Variants in AUTS2 observed in about 807,000 individuals in gnomAD.
The protein encoded by AUTS2 is activator of transcription and developmental regulator AUTS2.
In AUTS2, 17 loss-of-function variants were observed where a neutral mutation model predicts 112.4. The observed-to-expected ratio is 0.15, with a 90% CI of 0.10 to 0.23. The LOEUF (loss-of-function observed/expected upper bound fraction) is 0.23. AUTS2 is among the 10% of genes least tolerant of loss of function. AUTS2 has a pLI of 1.00. For missense variants in AUTS2, 1,510 were observed against 1,701.6 expected (o/e 0.89, Z 1.98); for synonymous variants, 751 against 702.7 (o/e 1.07, Z -1.09).
intron 5 of AUTS2, among the ~76,000 whole-genome samples, chr7:70,563,506 C>T (rs770689586): frequency 1.3e-4 from 20 of 152,140 alleles, no homozygotes; most frequent in Non-Finnish European, 1.9e-4. Context: ...TCTGTCTTAA[C>T]GGATTCTGTT....
intron 5 of AUTS2, among the ~76,000 whole-genome samples, chr7:70,540,953 G>C (rs903689411): frequency 1.3e-5 from 2 of 152,098 alleles, no homozygotes; most frequent in Non-Finnish European, 2.9e-5. Context: ...AAACAGTTCT[G>C]AGCAGGCACC....
At chr7:70,716,871 G>A (rs1179009623) in intron 6 of AUTS2, among the ~76,000 whole-genome samples, 4 of 151,642 alleles carry the variant, frequency 2.6e-5, no homozygotes, top group African/African-American at 9.7e-5. Flanking sequence ...ATACTAAGAC[G>A]TAACCTCCCA....
chr7:69,791,678 G>C (rs973164003), intron 1 of AUTS2, among the ~76,000 whole-genome samples: 1 of 152,118 alleles, frequency 6.6e-6, no homozygotes, highest in African/African-American at 2.4e-5. Context: ...GAAATGTTTG[G>C]GTCTTTTCAT....
chr7:69,765,674 T>A (rs1161028491), intron 1 of AUTS2, among the ~76,000 whole-genome samples: 1 of 152,172 alleles, frequency 6.6e-6, no homozygotes, highest in East Asian at 1.9e-4. Flanking sequence ...GCACGGTGGC[T>A]CATGCCTGTA....
At chr7:70,597,148 C>G (rs1803249063) in intron 5 of AUTS2, among the ~76,000 whole-genome samples, 1 of 152,136 alleles carries the variant, frequency 6.6e-6, no homozygotes, top group Non-Finnish European at 1.5e-5. Context: ...GTGCCTTGCT[C>G]AAGCAATGCA....
intron 4 of AUTS2, among the ~76,000 whole-genome samples, chr7:70,356,446 A>G (rs1792012720): frequency 1.3e-5 from 2 of 152,332 alleles, no homozygotes; most frequent in East Asian, 1.9e-4. Context: ...GCAAAACTAG[A>G]TGGAACCTAA....
intron 1 of AUTS2, among the ~76,000 whole-genome samples, chr7:69,759,775 C>A: frequency 4.0e-5 from 1 of 24,894 alleles, no homozygotes; most frequent in South Asian, 4.3e-3. Context: ...TCCCCGCCCC[C>A]CCCCCCCCCC....
chr7:70,701,972 T>G (rs6963200), intron 6 of AUTS2, among the ~76,000 whole-genome samples: 16,066 of 152,190 alleles, frequency 0.11, 1,286 homozygotes, highest in East Asian at 0.42. Context: ...CCCCAAATTC[T>G]GGGGTATTTA....
chr7:69,774,262 C>T (rs1239932820), intron 1 of AUTS2, among the ~76,000 whole-genome samples: 4 of 152,014 alleles, frequency 2.6e-5, no homozygotes, highest in East Asian at 1.9e-4. Flanking sequence ...ATTTAGCTGG[C>T]GGTGGTATGT....
Position 70,771,542 on chromosome 7 carries a change from G to T in AUTS2, c.1735-7G>T. ...TCTTTTTTCCCCCTCTCCGTCTTTG[G>T]CCACAGCTCTTCCATTCCTATCCTC... On this transcript the variant is annotated splice_polypyrimidine_tract_variant and splice_region_variant and intron_variant, in intron 10 of 18. Coordinates refer to ENST00000342771, the MANE Select transcript of AUTS2 (RefSeq NM_015570.4). The T allele has an allele frequency of 6.2e-7, 1 of 1,603,968 alleles. No homozygotes were observed. The highest frequency in any genetic ancestry group is 8.5e-7 in the Non-Finnish European group (1 of 1,173,436).
At chr7:70,551,955 T>C (rs184717473) in intron 5 of AUTS2, among the ~76,000 whole-genome samples, 10 of 152,380 alleles carry the variant, frequency 6.6e-5, no homozygotes, top group Admixed American at 4.6e-4. Flanking sequence ...AATTTATTTG[T>C]GAGAAAACCT....
intron 1 of AUTS2, among the ~76,000 whole-genome samples, chr7:69,696,379 ATAGACTCACTGGGG>A (rs1413797883): frequency 2.0e-5 from 3 of 152,154 alleles, no homozygotes; most frequent in Non-Finnish European, 4.4e-5. Flanking sequence ...TCCCTCCAAA[ATAGACTCACTGGGG>A]TATAGAATTT....
chr7:70,146,073 T>A (rs896203385), intron 4 of AUTS2, among the ~76,000 whole-genome samples: 1 of 152,130 alleles, frequency 6.6e-6, no homozygotes, highest in Non-Finnish European at 1.5e-5. Context: ...ATGTAAATCT[T>A]ATAAAAGTTT....
chr7:70,560,790 G>T (rs1290725489), intron 5 of AUTS2, among the ~76,000 whole-genome samples: 2 of 151,848 alleles, frequency 1.3e-5, no homozygotes, highest in Admixed American at 6.6e-5. Context: ...TTCTAATTTT[G>T]TCCTCTGATT....
intron 4 of AUTS2, among the ~76,000 whole-genome samples, chr7:70,195,017 C>T (rs1055501722): frequency 6.6e-6 from 1 of 152,146 alleles, no homozygotes; most frequent in Non-Finnish European, 1.5e-5. Flanking sequence ...AATATTTCTA[C>T]CTTTTCTTGA....
chr7:69,790,284 C>G (rs1789557847), intron 1 of AUTS2, among the ~76,000 whole-genome samples: 1 of 152,060 alleles, frequency 6.6e-6, no homozygotes, highest in African/African-American at 2.4e-5. Context: ...GAGTCAGACT[C>G]TGTCTCAAAA....
At chr7:70,293,774 A>G (rs1788811195) in intron 4 of AUTS2, 1 of 152,130 alleles carries the variant, frequency 6.6e-6, no homozygotes. Context: ...TCCTGTTGAA[A>G]ATTTGGTACA....
chr7:69,859,458 A>C (rs1792879286), intron 1 of AUTS2, among the ~76,000 whole-genome samples: 1 of 152,028 alleles, frequency 6.6e-6, no homozygotes, highest in African/African-American at 2.4e-5. Context: ...CAAGATGACA[A>C]ACAGAGAGAC....
At chr7:70,652,062 T>C (rs1265958399) in intron 5 of AUTS2, among the ~76,000 whole-genome samples, 1 of 152,208 alleles carries the variant, frequency 6.6e-6, no homozygotes, top group Admixed American at 6.5e-5. Flanking sequence ...TAATCCCATG[T>C]ATATTACTGT....
Sources: gnomAD v4.1 joint callset for allele counts (sites outside exome capture counted in the v4.1 genomes callset) on GRCh38, gnomAD v4.1.1 for gene constraint, MANE v1.5 for transcripts, NCBI Gene and HGNC (gene_info 2026-07-23, HGNC 2026-07-21) for gene names.